The following CDH17 variants were observed in gnomAD, a reference collection of about 807,000 sequenced individuals.
The protein encoded by CDH17 is cadherin 17, also known as cadherin-17.
CDH17 carries 67 observed loss-of-function variants against 86.3 expected under a neutral mutation model. The ratio of observed to expected loss-of-function variants is 0.78; its 90% CI spans 0.64 to 0.95. CDH17 has a LOEUF of 0.95. CDH17 is among the 40% of genes least tolerant of loss of function. The pLI, the probability that CDH17 is intolerant of heterozygous loss-of-function variation, is 0.00. For missense variants in CDH17, 993 were observed against 1,017.6 expected (o/e 0.98, Z 0.33); for synonymous variants, 367 against 366.4 (o/e 1.00, Z -0.02).
chr8:94,177,213 C>T (rs1219964844), intron 4 of CDH17, among the ~76,000 whole-genome samples: 1 of 152,130 alleles, frequency 6.6e-6, no homozygotes, highest in East Asian at 1.9e-4. Context: ...TCCATCCCAG[C>T]ACCGATACAG....
Position 94,152,044 on chromosome 8 carries a change from C to T in CDH17, c.1620G>A (p.Val540=), listed in dbSNP as rs755834635. 9.3e-6 allele frequency: 15 copies of T among 1,614,156 alleles called. No homozygotes were observed. Among genetic ancestry groups the T allele is most frequent in the Non-Finnish European group, 1.3e-5 (15 of 1,180,010 alleles). Reference sequence around the variant, plus strand: ...AACTTGCATTGTACTTCACACCAAACACTAGAGGCTCAGGATTTTCTGCTT... The same window carrying T: ...AACTTGCATTGTACTTCACACCAAATACTAGAGGCTCAGGATTTTCTGCTT... ...VFKAENPEPL[V]FGVKYNASSF... The change falls in exon 13 of 18, where the codon GTG becomes GTA. Residue 540 remains valine, a synonymous_variant. Transcript: ENST00000027335.
intron 15 of CDH17, among the ~76,000 whole-genome samples, chr8:94,142,262 T>C (rs7461040): frequency 0.014 from 2,177 of 152,320 alleles, 66 homozygotes; most frequent in African/African-American, 0.049. Flanking sequence ...GTCACACAGA[T>C]TTTTTGTTTT....
At chr8:94,159,483 A>G (rs1049564969) in intron 12 of CDH17, among the ~76,000 whole-genome samples, 3 of 152,180 alleles carry the variant, frequency 2.0e-5, no homozygotes, top group Admixed American at 6.5e-5. Flanking sequence ...TAAAAGGCCC[A>G]TGGGGTCATC....
intron 15 of CDH17, among the ~76,000 whole-genome samples, chr8:94,136,446 G>A (rs1300088310): frequency 6.6e-6 from 1 of 152,080 alleles, no homozygotes; most frequent in African/African-American, 2.4e-5. Context: ...ACTGAAGCTT[G>A]TGCATGCATC....
intron 15 of CDH17, among the ~76,000 whole-genome samples, chr8:94,132,951 C>T (rs374618468): frequency 8.7e-4 from 133 of 152,054 alleles, no homozygotes; most frequent in South Asian, 1.5e-3. Context: ...TGTTTTTCTC[C>T]GGTTTGTCAA....
chr8:94,161,956 T>C (rs1295870576), intron 11 of CDH17, 130 bp downstream of exon 11: 3 of 608,502 alleles, frequency 4.9e-6, no homozygotes, highest in South Asian at 2.1e-5. Context: ...TCTGGGTTAT[T>C]TGTGCACTGA....
chr8:94,208,093 C>T (rs1205857638), intron 1 of CDH17, among the ~76,000 whole-genome samples: 3 of 152,252 alleles, frequency 2.0e-5, no homozygotes, highest in Non-Finnish European at 4.4e-5. Flanking sequence ...GAATGTGATT[C>T]CAACCCCAAT....
In CDH17 at chr8:94,145,914, T is replaced by C; in HGVS notation, c.2167+14A>G. 6.2e-7 allele frequency: 1 copy of C among 1,607,566 alleles called. No individual in the cohort carries two copies. Among genetic ancestry groups the C allele is most frequent in the Non-Finnish European group, 8.5e-7 (1 of 1,177,118 alleles). On this transcript the variant is annotated intron_variant, in intron 15 of 17. Transcript: ENST00000027335. ...TCCATCTATGTTTTTTTCCATGTATTTCTGACAACTCACCATTGATTTTGG... is the reference window on the plus strand; with the variant it reads ...TCCATCTATGTTTTTTTCCATGTATCTCTGACAACTCACCATTGATTTTGG...
At chr8:94,133,937 T>C (rs1191041750) in intron 15 of CDH17, among the ~76,000 whole-genome samples, 2 of 152,168 alleles carry the variant, frequency 1.3e-5, no homozygotes, top group African/African-American at 4.8e-5. Flanking sequence ...CATTGGTTTT[T>C]CTTATGTGAT....
Position 94,176,676 on chromosome 8 carries a change from C to A in CDH17, c.289G>T (p.Ala97Ser). Residue 97 changes from alanine (A) to serine (S), a missense_variant, in exon 5 of 18, where the codon GCA becomes TCA. Ala to Ser is a moderately conservative substitution (Grantham distance 99, BLOSUM62 1). Coordinates refer to ENST00000027335, the MANE Select transcript of CDH17 (RefSeq NM_004063.4). ...ETRSTHNLQV[A>S]ALDANGIIVE... ...ATAATTCCATTAGCGTCCAGGGCTG[C>A]AACCTGATGTTGAGGAAAAGGAAAC... The A allele has an allele frequency of 6.2e-7, 1 of 1,610,870 alleles. No individual in the cohort carries two copies. The highest frequency in any genetic ancestry group is 8.5e-7 in the Non-Finnish European group (1 of 1,178,816).
At chr8:94,177,540 T>C (rs754690514) in intron 4 of CDH17, 47 bp downstream of exon 4, 1 of 1,604,436 alleles carries the variant, frequency 6.2e-7, no homozygotes, top group South Asian at 1.1e-5. Flanking sequence ...GAACAAAGGG[T>C]GCTCAGAGAG....
intron 9 of CDH17, among the ~76,000 whole-genome samples, chr8:94,167,419 G>A (rs1368047046): frequency 6.6e-6 from 1 of 152,148 alleles, no homozygotes; most frequent in Non-Finnish European, 1.5e-5. Flanking sequence ...TGCATCCACT[G>A]ACGCATATGG....
rs1365528673 is a variant in CDH17 at position 94,130,736 on chromosome 8, G to A, written c.2288C>T (p.Thr763Ile). 2.5e-6 allele frequency: 4 copies of A among 1,611,936 alleles called. No homozygotes were observed. The highest frequency in any genetic ancestry group is 1.3e-5 in the African/African-American group (1 of 75,020). ...PLEGIVSLPV[T>I]FCSCVEGSCF... is the part of the protein sequence containing the mutation. Reference sequence around the variant, plus strand: ...ACTTCCTTCCACACAACTGCAGAATGTAACTGAAAAGCAGGACAGTATTTG... The same window carrying A: ...ACTTCCTTCCACACAACTGCAGAATATAACTGAAAAGCAGGACAGTATTTG... The change falls in exon 17 of 18, where the codon ACA becomes ATA. Residue 763 changes from threonine (T) to isoleucine (I), a missense_variant. By Grantham distance (89) the Thr-to-Ile change is moderately conservative (BLOSUM62 -1). Transcript: ENST00000027335.
intron 1 of CDH17, among the ~76,000 whole-genome samples, chr8:94,208,155 C>A (rs1335595321): frequency 6.6e-6 from 1 of 152,198 alleles, no homozygotes; most frequent in Non-Finnish European, 1.5e-5. Flanking sequence ...CTTTTATATA[C>A]TCATCACAAA....
At chr8:94,139,827 TG>T (rs1157019000) in intron 15 of CDH17, among the ~76,000 whole-genome samples, 2 of 150,866 alleles carry the variant, frequency 1.3e-5, no homozygotes, top group African/African-American at 4.9e-5. Flanking sequence ...CATTTGAACC[TG>T]GGAGGCTGAG....
chr8:94,139,380 T>G (rs1487217675), intron 15 of CDH17, among the ~76,000 whole-genome samples: 1 of 152,064 alleles, frequency 6.6e-6, no homozygotes, highest in African/African-American at 2.4e-5. Context: ...CCAAGAAAGA[T>G]AGTGGAGAGA....
At position 94,173,912 on chromosome 8, in the gene CDH17, G is replaced by A; in HGVS notation, c.668C>T (p.Ser223Phe). The change falls in exon 7 of 18, where the codon TCC becomes TTC. Residue 223 changes from serine (S) to phenylalanine (F), a missense_variant. By Grantham distance (155) the Ser-to-Phe change is radical. Transcript: ENST00000027335. ...VKDMGGQSEN[S>F]FSDTTSVDII... ...ATCCACAGATGTGGTATCACTGAAG[G>A]AATTCTCACTCTGGCCTCCCATGTC... is the stretch of plus-strand genomic sequence containing the variant. The A allele has an allele frequency of 1.9e-6, 3 of 1,613,518 alleles. No individual in the cohort carries two copies. The highest frequency in any genetic ancestry group is 2.5e-6 in the Non-Finnish European group (3 of 1,179,538).
rs1273108913 is a variant in CDH17, at chr8:94,201,214, A to G, written c.-20-6509T>C. ...GAAGTTTTGTTTCTACTGCAAATGT[A>G]TCTCTGTGTCTCACTATTTCTCCTC... On this transcript the variant is annotated intron_variant, in intron 1 of 17. Coordinates refer to ENST00000027335, the MANE Select transcript of CDH17 (RefSeq NM_004063.4). 1.2e-4 allele frequency among the ~76,000 whole-genome samples: 19 copies of G among 152,132 alleles called. 1 individual carries two copies. Among genetic ancestry groups the G allele is most frequent in the Admixed American group, 8.5e-4 (13 of 15,270 alleles).
In CDH17 at chr8:94,131,121, A is replaced by G; in HGVS notation, c.2168-129T>C. ...AGATATGAGTTAAACTGCCCAAAGTATCATCCACATCATTCCACATGTATC... is the reference window on the plus strand; with the variant it reads ...AGATATGAGTTAAACTGCCCAAAGTGTCATCCACATCATTCCACATGTATC... On this transcript the variant is annotated intron_variant, in intron 15 of 17. Transcript: ENST00000027335. 2.7e-5 allele frequency: 17 copies of G among 631,120 alleles called. No individual in the cohort carries two copies. The South Asian group carries it at 3.3e-4, about 12-fold the overall frequency. The allele number at this position is 631,120 out of a possible 1,614,324, so 39.1% of individuals were successfully genotyped here. A position where few individuals can be genotyped will look rare whatever the true frequency, so the allele number is the denominator to read the frequency against.
Sources: gnomAD v4.1 joint callset for allele counts (sites outside exome capture counted in the v4.1 genomes callset) on GRCh38, gnomAD v4.1.1 for gene constraint, MANE v1.5 for transcripts, NCBI Gene and HGNC (gene_info 2026-07-23, HGNC 2026-07-21) for gene names.